PIR: variants seen among roughly 807,000 people sequenced by gnomAD.
PIR encodes the protein pirin (iron-binding nuclear protein).
In PIR, 22 loss-of-function variants were observed where a neutral mutation model predicts 24.2. The observed-to-expected ratio is 0.91, with a 90% CI of 0.65 to 1.30. PIR has a LOEUF of 1.30. Ranked by LOEUF, PIR falls within the 50% of genes most tolerant of loss-of-function variation. The pLI is 0.00. For missense variants in PIR, 220 were observed against 220.3 expected (o/e 1.00, Z 0.01); for synonymous variants, 80 against 79.6 (o/e 1.00, Z -0.03).
At chrX:15,404,069 C>T (rs187558822) in intron 7 of PIR, among the ~76,000 whole-genome samples, 2 of 108,193 alleles carry the variant, frequency 1.8e-5, no homozygotes, top group South Asian at 4.1e-4. Context: ...GGCACAGTCT[C>T]AGATCACTGA....
intron 5 of PIR, among the ~76,000 whole-genome samples, chrX:15,446,928 C>T (rs1926123990): frequency 1.8e-5 from 2 of 111,887 alleles, no homozygotes; most frequent in South Asian, 7.5e-4. Context: ...AAAATGATTC[C>T]CTGTGATTTT....
chrX:15,409,977 GCA>G (rs1924684285), intron 6 of PIR, among the ~76,000 whole-genome samples: 2 of 110,174 alleles, frequency 1.8e-5, no homozygotes, highest in Admixed American at 9.7e-5. Flanking sequence ...CTCAGGTTGG[GCA>G]CGGTCACTCA....
At chrX:15,423,951 C>G (rs1925220596) in intron 6 of PIR, among the ~76,000 whole-genome samples, 1 of 111,808 alleles carries the variant, frequency 8.9e-6, no homozygotes, top group Non-Finnish European at 1.9e-5. Context: ...GAAAGGGGAA[C>G]CCTTGTATAC....
At chrX:15,428,711 G>C (rs991178729) in intron 5 of PIR, among the ~76,000 whole-genome samples, 3 of 110,452 alleles carry the variant, frequency 2.7e-5, no homozygotes, top group Non-Finnish European at 5.7e-5. Flanking sequence ...ATTTCGCCAT[G>C]TTGCCCAGGC....
intron 5 of PIR, among the ~76,000 whole-genome samples, chrX:15,427,089 T>C (rs886141968): frequency 8.9e-6 from 1 of 111,808 alleles, no homozygotes; most frequent in South Asian, 3.7e-4. Flanking sequence ...TTCACAGGCA[T>C]AATATTGAGC....
intron 5 of PIR, among the ~76,000 whole-genome samples, chrX:15,440,412 C>T (rs1421186917): frequency 1.8e-5 from 2 of 110,806 alleles, no homozygotes; most frequent in African/African-American, 6.6e-5. Context: ...TCAACTCTGA[C>T]TCCTTTCTAT....
chrX:15,435,177 T>C (rs747556976), intron 5 of PIR, among the ~76,000 whole-genome samples: 1 of 108,533 alleles, frequency 9.2e-6, no homozygotes, highest in East Asian at 2.9e-4. Flanking sequence ...CATCACTGCA[T>C]TCCAGTGAGA....
intron 3 of PIR, among the ~76,000 whole-genome samples, chrX:15,461,883 G>T (rs1022273): frequency 0.3 from 32,972 of 111,597 alleles, 3,533 homozygotes; most frequent in East Asian, 0.47. Flanking sequence ...GTGCTCAAAA[G>T]CCCCATCCGG....
chrX:15,440,075 A>G (rs912815687), intron 5 of PIR, among the ~76,000 whole-genome samples: 1 of 110,602 alleles, frequency 9.0e-6, no homozygotes, highest in Non-Finnish European at 1.9e-5. Context: ...GTCATCATAC[A>G]TCCATGGGCA....
chrX:15,489,788 A>G (rs1285771533), intron 2 of PIR, among the ~76,000 whole-genome samples: 1 of 112,074 alleles, frequency 8.9e-6, no homozygotes, highest in Non-Finnish European at 1.9e-5. Context: ...TCAGTGGCCA[A>G]TCAACATTAC....
intron 7 of PIR, among the ~76,000 whole-genome samples, chrX:15,404,772 G>A (rs2147011682): frequency 8.9e-6 from 1 of 111,798 alleles, no homozygotes; most frequent in East Asian, 2.8e-4. Context: ...CCCCCCATTA[G>A]GGTGTTGGTA....
At chrX:15,484,362 T>C (rs1407994428) in intron 2 of PIR, among the ~76,000 whole-genome samples, 2 of 100,400 alleles carry the variant, frequency 2.0e-5, no homozygotes, top group Non-Finnish European at 4.0e-5. Flanking sequence ...TTGCCTGTGT[T>C]GGAGTGCGAT....
At chrX:15,473,878 T>A (rs1299690372) in intron 3 of PIR, among the ~76,000 whole-genome samples, 2 of 112,821 alleles carry the variant, frequency 1.8e-5, no homozygotes, top group African/African-American at 6.4e-5. Flanking sequence ...TTTTAAAAAC[T>A]GTACCAGAAT....
intron 5 of PIR, among the ~76,000 whole-genome samples, chrX:15,444,145 G>T (rs950036276): frequency 9.0e-6 from 1 of 111,692 alleles, no homozygotes; most frequent in Admixed American, 9.5e-5. Flanking sequence ...TTCGTGAAAG[G>T]AAGAGTCAAT....
intron 5 of PIR, among the ~76,000 whole-genome samples, chrX:15,431,283 C>T (rs2147036508): frequency 8.9e-6 from 1 of 111,944 alleles, no homozygotes. Flanking sequence ...TTTTGTGTGT[C>T]ATTGTTAACT....
chrX:15,408,324 CCTT>C (rs1238625109), intron 6 of PIR, among the ~76,000 whole-genome samples: 7 of 111,197 alleles, frequency 6.3e-5, no homozygotes, highest in African/African-American at 2.3e-4. Flanking sequence ...CCAGTGAACT[CCTT>C]CTTTTATTCT....
intron 6 of PIR, among the ~76,000 whole-genome samples, chrX:15,425,323 C>G (rs1432650394): frequency 1.8e-5 from 2 of 110,552 alleles, no homozygotes; most frequent in Admixed American, 1.9e-4. Flanking sequence ...ATCTTTTAGG[C>G]CTTCCACACC....
intron 7 of PIR, among the ~76,000 whole-genome samples, chrX:15,406,486 G>A (rs1924553344): frequency 8.9e-6 from 1 of 111,788 alleles, no homozygotes; most frequent in African/African-American, 3.3e-5. Flanking sequence ...TGTCTGATGG[G>A]TGAGGTAGCT....
chrX:15,460,741 T>C (rs1419535670), intron 3 of PIR, among the ~76,000 whole-genome samples: 1 of 111,993 alleles, frequency 8.9e-6, no homozygotes, highest in African/African-American at 3.2e-5. Context: ...AGGTAATGGA[T>C]ACCTTAGCTT....
Sources: gnomAD v4.1 joint callset for allele counts (sites outside exome capture counted in the v4.1 genomes callset) on GRCh38, gnomAD v4.1.1 for gene constraint, MANE v1.5 for transcripts, NCBI Gene and HGNC (gene_info 2026-07-23, HGNC 2026-07-21) for gene names.